Variants in ZC3H4 observed in about 807,000 individuals in gnomAD.
ZC3H4 encodes the protein zinc finger CCCH domain-containing protein 4.
A neutral mutation model predicts 108.3 loss-of-function variants in ZC3H4; 13 were observed. The observed-to-expected ratio is 0.12, with a 90% CI of 0.08 to 0.19. The LOEUF is 0.19. ZC3H4 is among the 10% of genes least tolerant of loss of function. The pLI is 1.00. For missense variants in ZC3H4, 1,734 were observed against 1,838.8 expected, an observed-to-expected ratio of 0.94 and a Z score of 1.04; for synonymous variants, 917 against 749.6, an observed-to-expected ratio of 1.22 and a Z score of -3.65.
rs370497301 is a variant in ZC3H4, at chr19:47,083,083, C to T, written c.1219-788G>A. On this transcript the variant is annotated intron_variant, in intron 9 of 14. Coordinates refer to ENST00000253048, the MANE Select transcript of ZC3H4 (RefSeq NM_015168.2). Reference sequence around the variant, plus strand: ...TTTTTGAGACAGAGTCTGGCTCTGTCGCCCAGGCTGGAGTGCAATGGCACG... The same window carrying T: ...TTTTTGAGACAGAGTCTGGCTCTGTTGCCCAGGCTGGAGTGCAATGGCACG... Among the ~76,000 whole-genome samples, 8 of 151,754 alleles carry T rather than the reference C, an allele frequency of 5.3e-5. No homozygotes were observed. In the South Asian group the frequency reaches 1.0e-3, roughly 20 times the overall value.
intron 11 of ZC3H4, among the ~76,000 whole-genome samples, chr19:47,075,221 G>A (rs1342312501): frequency 1.3e-5 from 2 of 152,138 alleles, no homozygotes; most frequent in South Asian, 2.1e-4. Flanking sequence ...TATTCCAGGG[G>A]TGGTCAGCGT....
chr19:47,093,809 A>C (rs2057776500), intron 4 of ZC3H4, 161 bp downstream of exon 4: 2 of 539,098 alleles, frequency 3.7e-6, no homozygotes, highest in East Asian at 6.0e-5. Flanking sequence ...AAATTGTCTA[A>C]GTTTCAGTTT....
intron 11 of ZC3H4, among the ~76,000 whole-genome samples, chr19:47,078,837 C>CGAAA (rs2057468376): frequency 6.6e-6 from 1 of 151,844 alleles, no homozygotes; most frequent in South Asian, 2.1e-4. Flanking sequence ...TCAGCCTGGG[C>CGAAA]GAAAGAGTGA....
chr19:47,076,472 A>G (rs2057422346), intron 11 of ZC3H4, among the ~76,000 whole-genome samples: 1 of 152,182 alleles, frequency 6.6e-6, no homozygotes, highest in Admixed American at 6.5e-5. Flanking sequence ...CATTTACTAT[A>G]AAGGACACAG....
In ZC3H4 at chr19:47,069,025, C is replaced by A. The variant is rs2057273714; in HGVS notation, c.2398+67G>T. On this transcript the variant is annotated intron_variant, in intron 14 of 14. Transcript: ENST00000253048. Reference sequence around the variant, plus strand: ...GACAGGAAACCCAACCTGGAACACCCCACCACCGCCGCTCCCCTGCACAGC... The same window carrying A: ...GACAGGAAACCCAACCTGGAACACCACACCACCGCCGCTCCCCTGCACAGC... 1.9e-6 allele frequency: 3 copies of A among 1,595,006 alleles called. No individual in the cohort carries two copies. In the Admixed American group the frequency reaches 5.1e-5, roughly 27 times the overall value.
rs45460195 is a variant in ZC3H4, at chr19:47,082,135, G to A, written c.1330+49C>T. 7,711 of 1,462,196 alleles carry A rather than the reference G, an allele frequency of 5.3e-3. 139 individuals carry two copies. Among genetic ancestry groups the A allele is most frequent in the African/African-American group, 0.037 (2,663 of 72,406 alleles). The allele number at this position is 1,462,196 out of a possible 1,614,324, so 90.6% of individuals were successfully genotyped here. On this transcript the variant is annotated intron_variant, in intron 10 of 14. Transcript: ENST00000253048. ...CTGTTACTACCACCATCAAGGAGCAGAGAAGTTCTGCGCCCTCATTCAGAC... is the reference window on the plus strand; with the variant it reads ...CTGTTACTACCACCATCAAGGAGCAAAGAAGTTCTGCGCCCTCATTCAGAC...
At chr19:47,080,858 C>T (rs948935888) in intron 11 of ZC3H4, among the ~76,000 whole-genome samples, 4 of 152,212 alleles carry the variant, frequency 2.6e-5, no homozygotes, top group South Asian at 4.2e-4. Context: ...GTCTTGAGAA[C>T]CTGGCCTCAG....
intron 11 of ZC3H4, among the ~76,000 whole-genome samples, chr19:47,073,659 G>T (rs1184427451): frequency 6.6e-6 from 1 of 152,182 alleles, no homozygotes; most frequent in Non-Finnish European, 1.5e-5. Flanking sequence ...TATAGTTCCA[G>T]CACATTTTCA....
At chr19:47,080,662 ATTT>A (rs67141668) in intron 11 of ZC3H4, among the ~76,000 whole-genome samples, 9 of 141,874 alleles carry the variant, frequency 6.3e-5, no homozygotes, top group Non-Finnish European at 7.8e-5. Flanking sequence ...TACCTGGCTA[ATTT>A]TTTTTTTTTT....
rs2058051661 is a variant in ZC3H4 at position 47,112,378 on chromosome 19, C to T, written c.161+46G>A. On this transcript the variant is annotated intron_variant, in intron 2 of 14. Transcript: ENST00000253048. ...GGCCGCCCCCCTTCCTCCTCCTCCT[C>T]TTCCTCCCCCCGGGGACGCAGCCCC... 4 of 1,230,410 alleles carry T rather than the reference C, an allele frequency of 3.3e-6. No individual in the cohort carries two copies. In the South Asian group the frequency reaches 1.2e-4, roughly 38 times the overall value. The allele number at this position is 1,230,410 out of a possible 1,614,324, so 76.2% of individuals were successfully genotyped here.
chr19:47,080,614 G>A (rs1442648455), intron 11 of ZC3H4, among the ~76,000 whole-genome samples: 2 of 151,734 alleles, frequency 1.3e-5, no homozygotes, highest in Non-Finnish European at 1.5e-5. Flanking sequence ...TCCCACCTCA[G>A]CCTCTCGAGT....
In ZC3H4 at chr19:47,090,155, G is replaced by T. The variant is rs1458743919; in HGVS notation, c.527C>A (p.Pro176His). 1 of 1,614,176 alleles carries T rather than the reference G, an allele frequency of 6.2e-7. No homozygotes were observed. The highest frequency in any genetic ancestry group is 1.7e-5 in the Admixed American group (1 of 60,026). Residue 176 changes from proline (P) to histidine (H), a missense_variant, in exon 5 of 15, where the codon CCC becomes CAC. Physicochemically the swap from Pro to His is moderately conservative, Grantham distance 77 (BLOSUM62 -2). Around this residue, in one of 9 missense-constraint regions of ZC3H4, gnomAD observed 403 missense variants for 457.0 expected, o/e 0.88. Transcript: ENST00000253048. ...HQQYPPSHAT[P>H]LPKKAYSKMD... is the part of the protein sequence containing the mutation. ...CTTGGAGTATGCCTTCTTGGGCAGG[G>T]GCGTGGCATGCGATGGGGGGTACTG...
At chr19:47,089,834 A>G in intron 5 of ZC3H4, 133 bp downstream of exon 5, 1 of 891,474 alleles carries the variant, frequency 1.1e-6, no homozygotes, top group Non-Finnish European at 1.7e-6. Context: ...ATGCACATGC[A>G]GAGCCTGGCC....
intron 9 of ZC3H4, among the ~76,000 whole-genome samples, chr19:47,083,738 A>G (rs2057565404): frequency 6.6e-6 from 1 of 152,160 alleles, no homozygotes; most frequent in Non-Finnish European, 1.5e-5. Context: ...TATACACAAC[A>G]TTATTTGTTT....
At chr19:47,107,551 A>C (rs2057982722) in intron 2 of ZC3H4, among the ~76,000 whole-genome samples, 3 of 152,142 alleles carry the variant, frequency 2.0e-5, no homozygotes, top group African/African-American at 7.2e-5. Flanking sequence ...CTATTCACAC[A>C]GATGCGAAAT....
intron 3 of ZC3H4, 84 bp from the exon 4 acceptor site, chr19:47,094,164 G>A: frequency 7.3e-7 from 1 of 1,373,488 alleles, no homozygotes; most frequent in African/African-American, 1.4e-5. Flanking sequence ...AACTATGCTG[G>A]CATGTGCCGC....
intron 4 of ZC3H4, among the ~76,000 whole-genome samples, chr19:47,092,816 C>CAATAAATAAATA (rs57195521): frequency 0.013 from 1,864 of 146,914 alleles, 16 homozygotes; most frequent in Middle Eastern, 0.035. Context: ...GACTCCGTCT[C>CAATAAATAAATA]AATAAATAAA....
Position 47,112,483 on chromosome 19 carries a change from G to A in ZC3H4, c.102C>T (p.Pro34=). ...GGTGCGGGGTGGCCGGGCGGGCGTC[G>A]GGGGAACACGGAGGAGGCGAAGGCG... ...PSTPSPPPCS[P]DARPATPHLL... The change falls in exon 2 of 15, where the codon CCC becomes CCT. Residue 34 remains proline (P), a synonymous_variant. Transcript: ENST00000253048. The A allele has an allele frequency of 8.6e-7, 1 of 1,164,930 alleles. No homozygotes were observed. The allele number at this position is 1,164,930 out of a possible 1,614,324, so 72.2% of individuals were successfully genotyped here.
At chr19:47,096,700 C>T in intron 2 of ZC3H4, 2 of 684,552 alleles carry the variant, frequency 2.9e-6, no homozygotes, top group Non-Finnish European at 3.6e-6. Context: ...AACAACATTA[C>T]TCTCGACACT....
Sources: gnomAD v4.1 joint callset for allele counts (sites outside exome capture counted in the v4.1 genomes callset) on GRCh38, gnomAD v4.1.1 for gene constraint, gnomAD v4.1.1 regional missense constraint, MANE v1.5 for transcripts, NCBI Gene and HGNC (gene_info 2026-07-23, HGNC 2026-07-21) for gene names.